The following QRICH1 variants were observed in gnomAD, a reference collection of about 807,000 sequenced individuals.
The protein encoded by QRICH1 is transcriptional regulator QRICH1.
Under a neutral mutation model 87.1 loss-of-function variants are expected in QRICH1, and 16 were observed. The ratio of observed to expected loss-of-function variants is 0.18; its 90% confidence interval spans 0.12 to 0.28. QRICH1 has a LOEUF of 0.28. Among genes scored for constraint, QRICH1 ranks in the 10% least tolerant of loss-of-function variants. The pLI is 1.00. For missense variants in QRICH1, 647 were observed against 951.7 expected, an observed-to-expected ratio of 0.68 and a Z score of 4.21; for synonymous variants, 367 against 368.4, an observed-to-expected ratio of 1.00 and a Z score of 0.05.
chr3:49,036,145 T>G (rs2106824346), intron 6 of QRICH1, among the ~76,000 whole-genome samples: 1 of 152,190 alleles, frequency 6.6e-6, no homozygotes, highest in Admixed American at 6.6e-5. Context: ...GGGCCAGGGC[T>G]CCTAGCATGG....
At chr3:49,054,112 C>T (rs1418664301) in intron 3 of QRICH1, among the ~76,000 whole-genome samples, 6 of 152,106 alleles carry the variant, frequency 3.9e-5, no homozygotes, top group Non-Finnish European at 8.8e-5. Context: ...AAGACTTTCC[C>T]AAATCAGATA....
chr3:49,067,707 G>A (rs537863680), intron 2 of QRICH1, among the ~76,000 whole-genome samples: 24 of 152,094 alleles, frequency 1.6e-4, no homozygotes, highest in Middle Eastern at 3.4e-3. Flanking sequence ...AAGGCCAGGC[G>A]CGGTGGCTCA....
chr3:49,062,349 A>AG (rs1413936980), intron 2 of QRICH1, among the ~76,000 whole-genome samples: 3 of 150,388 alleles, frequency 2.0e-5, no homozygotes, highest in East Asian at 1.9e-4. Flanking sequence ...AAAAAAAAAA[A>AG]CAAGAAAAAA....
At chr3:49,092,220 A>C (rs2042290074) in intron 1 of QRICH1, 1 of 152,214 alleles carries the variant, frequency 6.6e-6, no homozygotes, top group South Asian at 2.1e-4. Flanking sequence ...GAGAAAACTG[A>C]GCAAGTAGCG....
At chr3:49,072,971 G>A (rs892568803) in intron 2 of QRICH1, among the ~76,000 whole-genome samples, 1 of 152,024 alleles carries the variant, frequency 6.6e-6, no homozygotes, top group Non-Finnish European at 1.5e-5. Context: ...GAGCCCAGGA[G>A]GTAGAGGCTG....
At chr3:49,053,361 G>A (rs532566423) in intron 3 of QRICH1, among the ~76,000 whole-genome samples, 11 of 151,654 alleles carry the variant, frequency 7.3e-5, no homozygotes, top group South Asian at 2.1e-4. Context: ...GGTGGCGGGC[G>A]CCTGTAGTCC....
intron 2 of QRICH1, among the ~76,000 whole-genome samples, chr3:49,062,928 A>T (rs2093443913): frequency 6.6e-6 from 1 of 151,574 alleles, no homozygotes; most frequent in South Asian, 2.1e-4. Flanking sequence ...TGAACCTGGG[A>T]GGCGGAGTTT....
At chr3:49,082,605 G>GA (rs962910889) in intron 1 of QRICH1, among the ~76,000 whole-genome samples, 6 of 150,722 alleles carry the variant, frequency 4.0e-5, no homozygotes, top group East Asian at 1.9e-4. Flanking sequence ...TAAAAAAAAA[G>GA]AAAAAAAAAG....
intron 8 of QRICH1, 88 bp from the exon 9 acceptor site, chr3:49,032,361 G>C (rs978644301): frequency 9.5e-5 from 91 of 958,222 alleles, no homozygotes; most frequent in Non-Finnish European, 1.8e-5. Context: ...CTTTCAGCCA[G>C]CCCAACTAGG....
At chr3:49,032,055 G>T in intron 9 of QRICH1, 128 bp downstream of exon 9, 2 of 756,544 alleles carry the variant, frequency 2.6e-6, no homozygotes, top group Non-Finnish European at 4.4e-6. Flanking sequence ...TAGCTTTCTG[G>T]AAGTGTTTTT....
At chr3:49,073,346 G>A (rs147320279) in intron 2 of QRICH1, among the ~76,000 whole-genome samples, 33 of 152,128 alleles carry the variant, frequency 2.2e-4, no homozygotes, top group African/African-American at 7.5e-4. Flanking sequence ...TTCAAGACCA[G>A]CCTGACCAAC....
chr3:49,030,405 GTC>G lies in QRICH1; in HGVS notation c.*45_*46del. On this transcript the variant is annotated 3_prime_UTR_variant, in exon 10 of 10. Transcript: ENST00000395443. ...GGCCTCTTCTTTAGTGTGAAAGTCT[GTC>G]TGGTTTTTCCTGGCTGGTTTCTCTT... 6.4e-7 allele frequency: 1 copy of G among 1,570,348 alleles called. No homozygotes were observed. The highest frequency in any genetic ancestry group is 8.7e-7 in the Non-Finnish European group (1 of 1,149,088).
chr3:49,052,504 C>T (rs2093376757), intron 3 of QRICH1, among the ~76,000 whole-genome samples: 1 of 151,908 alleles, frequency 6.6e-6, no homozygotes, highest in South Asian at 2.1e-4. Context: ...CAATTCTGCC[C>T]CTTTTTTGTT....
Position 49,057,822 on chromosome 3 carries a change from G to A in QRICH1, c.378C>T (p.His126=), listed in dbSNP as rs768591217. 64 of 1,614,040 alleles carry A rather than the reference G, an allele frequency of 4.0e-5. No individual in the cohort carries two copies. The highest frequency in any genetic ancestry group is 5.3e-5 in the Non-Finnish European group (62 of 1,180,036). Residue 126 remains histidine, a synonymous_variant, in exon 3 of 10, where the codon CAC becomes CAT. Coordinates refer to ENST00000395443, the MANE Select transcript of QRICH1 (RefSeq NM_198880.3). This position sits in a 1 kb window ranked among gnomAD's most constrained non-coding sequence, Gnocchi z 5.4. ...CCTGGATGGGTTGCTCAGTAGGCTG[G>A]TGAACGGTGAGTTGTGGGGAGAGCT... ...SAQLSPQLTV[H]QPTEQPIQVQ...
chr3:49,073,476 G>A (rs1212325977), intron 2 of QRICH1, among the ~76,000 whole-genome samples: 2 of 150,878 alleles, frequency 1.3e-5, no homozygotes, highest in Non-Finnish European at 3.0e-5. Context: ...GGAGGCAGAG[G>A]TTGCAGTGAG....
At chr3:49,093,784 G>A (rs2107075086) in intron 1 of QRICH1, 128 bp downstream of exon 1, 2 of 356,200 alleles carry the variant, frequency 5.6e-6, no homozygotes, top group East Asian at 4.1e-5. Flanking sequence ...TTCGGCTCCG[G>A]AGCCGCCCCG....
In QRICH1 at chr3:49,034,882, C is replaced by T. The variant is rs143305524; in HGVS notation, c.1787-1654G>A. Among the ~76,000 whole-genome samples, 8 of 152,264 alleles carry T rather than the reference C, an allele frequency of 5.3e-5. No individual in the cohort carries two copies. The East Asian group carries it at 1.4e-3, about 26-fold the overall frequency. On this transcript the variant is annotated intron_variant, in intron 6 of 9. Coordinates refer to ENST00000395443, the MANE Select transcript of QRICH1 (RefSeq NM_198880.3). ...GCAACAGTATTCTCCTGCAGGGTTT[C>T]GGGATTCTCCAAGCAAGCACAGTGT...
intron 5 of QRICH1, among the ~76,000 whole-genome samples, chr3:49,045,326 C>CAAAAAAAAAA (rs150401256): frequency 2.9e-5 from 3 of 101,836 alleles, no homozygotes; most frequent in Admixed American, 1.0e-4. Context: ...TTGTGAATTA[C>CAAAAAAAAAA]AAAAAAAAAA....
chr3:49,069,098 A>ATTTTTTT (rs1470081542), intron 2 of QRICH1, among the ~76,000 whole-genome samples: 2 of 83,884 alleles, frequency 2.4e-5, no homozygotes, highest in Non-Finnish European at 4.3e-5. Context: ...TATTATTATT[A>ATTTTTTT]TTATTATTAT....
Sources: gnomAD v4.1 joint callset for allele counts (sites outside exome capture counted in the v4.1 genomes callset) on GRCh38, gnomAD v4.1.1 for gene constraint, Gnocchi (gnomAD v3.1) non-coding constraint, MANE v1.5 for transcripts, NCBI Gene and HGNC (gene_info 2026-07-23, HGNC 2026-07-21) for gene names.